The following KPNA6 variants were observed in gnomAD, a reference collection of about 807,000 sequenced individuals.
The protein encoded by KPNA6 is karyopherin subunit alpha 6.
KPNA6 carries 9 observed loss-of-function variants against 72.0 expected under a neutral mutation model. The ratio of observed to expected loss-of-function variants is 0.13; its 90% confidence interval spans 0.08 to 0.22. The LOEUF is 0.22. Ranked by LOEUF, KPNA6 falls within the 10% of genes least tolerant of loss-of-function variation. KPNA6 has a pLI of 1.00. For missense variants in KPNA6, 374 were observed against 655.7 expected (o/e 0.57, Z 4.69); for synonymous variants, 219 against 242.1 (o/e 0.90, Z 0.89).
rs1419367162 is a variant in KPNA6 at position 32,173,310 on chromosome 1, T to C, written c.*2416T>C. The C allele has an allele frequency of 5.1e-6, 2 of 388,744 alleles. No homozygotes were observed. Among genetic ancestry groups the C allele is most frequent in the Admixed American group, 4.5e-5 (1 of 22,402 alleles). 24.1% of individuals were successfully genotyped at this position (388,744 alleles called of 1,614,324 possible). ...CCTGATACAGGGACCAGTTTCTTAGTGTAAGACATACACATCCTGCTTGTC... is the reference window on the plus strand; with the variant it reads ...CCTGATACAGGGACCAGTTTCTTAGCGTAAGACATACACATCCTGCTTGTC... On this transcript the variant is annotated 3_prime_UTR_variant, in exon 14 of 14. Transcript: ENST00000373625.
At chr1:32,159,860 G>T (rs186750611) in intron 6 of KPNA6, among the ~76,000 whole-genome samples, 1 of 152,268 alleles carries the variant, frequency 6.6e-6, no homozygotes, top group Admixed American at 6.5e-5. Flanking sequence ...TTGGAAAAAA[G>T]ACACCACAGT....
At position 32,171,978 on chromosome 1, in the gene KPNA6, T is replaced by G. The variant is rs987534938; in HGVS notation, c.*1084T>G. On this transcript the variant is annotated 3_prime_UTR_variant, in exon 14 of 14. Transcript: ENST00000373625. ...CAGGGATCCCTGCCTTTGGCCTTTC[T>G]TCTTCTTCTTCTTCCTCTTCCATAG... 2 of 152,108 alleles carry G rather than the reference T, an allele frequency of 1.3e-5. No homozygotes were observed. The highest frequency in any genetic ancestry group is 4.8e-5 in the African/African-American group (2 of 41,400). The allele number at this position is 152,108 out of a possible 1,614,324, so 9.4% of individuals were successfully genotyped here.
intron 1 of KPNA6, among the ~76,000 whole-genome samples, chr1:32,129,649 G>A (rs572557255): frequency 1.3e-5 from 2 of 152,156 alleles, no homozygotes; most frequent in East Asian, 1.9e-4. Context: ...TTGATCTCCC[G>A]GGCTCAAGTG....
At chr1:32,164,474 T>A (rs1483323652) in intron 10 of KPNA6, among the ~76,000 whole-genome samples, 5 of 152,218 alleles carry the variant, frequency 3.3e-5, no homozygotes, top group Non-Finnish European at 5.9e-5. Flanking sequence ...ACAGCTGCTA[T>A]GCCATCTTAC....
chr1:32,144,455 G>A (rs999907692), intron 1 of KPNA6, among the ~76,000 whole-genome samples: 14 of 152,172 alleles, frequency 9.2e-5, no homozygotes, highest in African/African-American at 2.9e-4. Flanking sequence ...GGGAGAAATC[G>A]TATAAAAGTA....
rs779244709 is a variant in KPNA6, at chr1:32,163,327, G to A, written c.990+14G>A. 3 of 1,595,508 alleles carry A rather than the reference G, an allele frequency of 1.9e-6. No individual in the cohort carries two copies. In the South Asian group the frequency reaches 3.3e-5, roughly 18 times the overall value. ...ATCCAGACCCAGGTAAGAAAGAGGA[G>A]GGTGCAGGATCTTAGACCAGCTATG... On this transcript the variant is annotated intron_variant, in intron 10 of 13. Transcript: ENST00000373625.
intron 9 of KPNA6, 123 bp downstream of exon 9, chr1:32,162,647 C>T (rs979301417): frequency 2.6e-5 from 25 of 974,596 alleles, no homozygotes; most frequent in East Asian, 5.2e-5. Flanking sequence ...CCAGCCTGAC[C>T]AACATGGTGA....
At chr1:32,109,875 C>G (rs1641215344) in intron 1 of KPNA6, among the ~76,000 whole-genome samples, 1 of 151,694 alleles carries the variant, frequency 6.6e-6, no homozygotes, top group African/African-American at 2.4e-5. Flanking sequence ...CCAGGATGGT[C>G]TTGATCTCCT....
intron 1 of KPNA6, among the ~76,000 whole-genome samples, chr1:32,127,683 A>T (rs1641558655): frequency 6.6e-6 from 1 of 152,184 alleles, no homozygotes; most frequent in African/African-American, 2.4e-5. Flanking sequence ...TCTCAGAGGC[A>T]TTTTGCTGTG....
chr1:32,146,281 C>T (rs1641928426), intron 1 of KPNA6, among the ~76,000 whole-genome samples: 1 of 152,090 alleles, frequency 6.6e-6, no homozygotes, highest in Non-Finnish European at 1.5e-5. Flanking sequence ...TCAGAACTTG[C>T]TTCATGTTTG....
At chr1:32,163,401 G>A in intron 10 of KPNA6, 88 bp downstream of exon 10, 1 of 937,498 alleles carries the variant, frequency 1.1e-6, no homozygotes, top group Non-Finnish European at 1.7e-6. Context: ...TCCTGCAAAG[G>A]GCTGTGGTCC....
At chr1:32,142,939 C>G in intron 1 of KPNA6, 2 of 1,289,142 alleles carry the variant, frequency 1.6e-6, no homozygotes, top group South Asian at 2.5e-5. Context: ...GCATGGCTCT[C>G]CTCCCAGCTT....
At chr1:32,135,466 A>G (rs1006955515) in intron 1 of KPNA6, among the ~76,000 whole-genome samples, 11 of 149,012 alleles carry the variant, frequency 7.4e-5, no homozygotes, top group Middle Eastern at 3.6e-3. Context: ...CCAAATTGCT[A>G]GAATTACAGG....
chr1:32,139,461 T>C (rs906049183), intron 1 of KPNA6, among the ~76,000 whole-genome samples: 14 of 152,188 alleles, frequency 9.2e-5, no homozygotes, highest in African/African-American at 3.4e-4. Flanking sequence ...TATATATATA[T>C]GTTTTTTTCT....
At chr1:32,169,664 GT>G (rs1642401854) in intron 12 of KPNA6, among the ~76,000 whole-genome samples, 1 of 144,132 alleles carries the variant, frequency 6.9e-6, no homozygotes, top group African/African-American at 2.6e-5. Flanking sequence ...GTTTCACCAT[GT>G]TAGCCAGGAT....
At chr1:32,137,349 A>AT (rs1320290016) in intron 1 of KPNA6, among the ~76,000 whole-genome samples, 2 of 151,442 alleles carry the variant, frequency 1.3e-5, no homozygotes, top group Non-Finnish European at 2.9e-5. Flanking sequence ...AATTTTTGAA[A>AT]TTTTTTTCAG....
chr1:32,145,194 C>A (rs1402332620), intron 1 of KPNA6, among the ~76,000 whole-genome samples: 2 of 151,164 alleles, frequency 1.3e-5, no homozygotes, highest in Non-Finnish European at 2.9e-5. Context: ...CTCCTGACCT[C>A]GTGATCCACC....
chr1:32,171,046 C>A lies in KPNA6; in HGVS notation c.*152C>A, dbSNP rs947019914. The stretch of plus-strand genomic sequence containing the variant: ...TGCTCTTGACCTGCTCCGCCCCCTT[C>A]CCTGGAGGGAGCACCCTCTGGACAG... On this transcript the variant is annotated 3_prime_UTR_variant, in exon 14 of 14. Transcript: ENST00000373625. The A allele has an allele frequency of 1.5e-6, 1 of 660,212 alleles. No individual in the cohort carries two copies. The highest frequency in any genetic ancestry group is 2.6e-6 in the Non-Finnish European group (1 of 387,516). The allele number at this position is 660,212 out of a possible 1,614,324, so 40.9% of individuals were successfully genotyped here.
intron 8 of KPNA6, 44 bp from the exon 9 acceptor site, chr1:32,162,317 T>A (rs7538308): frequency 1.3e-6 from 2 of 1,529,260 alleles, no homozygotes; most frequent in East Asian, 4.5e-5. Context: ...AGAGCTGATA[T>A]AGTCTTGTTC....
Sources: allele counts gnomAD v4.1 joint callset (sites outside exome capture counted in the v4.1 genomes callset), GRCh38; gene constraint gnomAD v4.1.1; transcripts MANE v1.5; gene names NCBI Gene and HGNC (gene_info 2026-07-23, HGNC 2026-07-21).